The following MGA variants were observed in gnomAD, a reference collection of about 807,000 sequenced individuals.
MGA encodes the protein MAX dimerization protein MGA.
A neutral mutation model predicts 261.1 loss-of-function variants in MGA; 40 were observed. The observed-to-expected ratio is 0.15, with a 90% CI of 0.12 to 0.20. The LOEUF (loss-of-function observed/expected upper bound fraction) is 0.20, where lower values mean the gene tolerates loss of function less well. MGA is among the 10% of genes least tolerant of loss of function. The pLI is 1.00. For missense variants in MGA, 3,397 were observed against 3,630.5 expected (o/e 0.94, Z 1.65); for synonymous variants, 1,302 against 1,290.6 (o/e 1.01, Z -0.19).
intron 1 of MGA, among the ~76,000 whole-genome samples, chr15:41,631,958 A>C (rs1189012266): frequency 6.6e-6 from 1 of 152,086 alleles, no homozygotes; most frequent in Non-Finnish European, 1.5e-5. Context: ...TTGTCTTTAC[A>C]TAGGTTTATC....
rs1240962717 is a variant in MGA at position 41,749,320 on chromosome 15, TCTC to T, written c.5719_5721del (p.Pro1907del). 1.3e-5 allele frequency: 21 copies of T among 1,613,990 alleles called. No individual in the cohort carries two copies. The highest frequency in any genetic ancestry group is 1.7e-5 in the Non-Finnish European group (20 of 1,179,886). On this transcript the variant is annotated inframe_deletion, in exon 17 of 24. Transcript: ENST00000219905. ...GGCTGGTACATTGACCCTGAGGATT[TCTC>T]CTCCTGAACCACAAAGCTTTGCAAG...
At chr15:41,701,559 G>T (rs1477427188) in intron 5 of MGA, among the ~76,000 whole-genome samples, 1 of 152,266 alleles carries the variant, frequency 6.6e-6, no homozygotes, top group South Asian at 2.1e-4. Context: ...TGAATTTGGG[G>T]GGTAGAGTTG....
At chr15:41,718,505 C>A in intron 9 of MGA, 1 of 565,152 alleles carries the variant, frequency 1.8e-6, no homozygotes. Flanking sequence ...TCTTGCACTG[C>A]TCTGTAGTCT....
At chr15:41,747,819 A>G (rs2062593099) in intron 15 of MGA, among the ~76,000 whole-genome samples, 1 of 152,220 alleles carries the variant, frequency 6.6e-6, no homozygotes, top group Non-Finnish European at 1.5e-5. Context: ...GCCTCTTGAC[A>G]GTTGATACTC....
chr15:41,687,036 T>C (rs1374359631), intron 2 of MGA, among the ~76,000 whole-genome samples: 1 of 152,198 alleles, frequency 6.6e-6, no homozygotes, highest in East Asian at 1.9e-4. Context: ...TTGCTGTTTT[T>C]TTTTTCATTA....
In MGA at chr15:41,696,170, A is replaced by C; in HGVS notation, c.1160A>C (p.Asp387Ala). The C allele has an allele frequency of 6.2e-7, 1 of 1,613,980 alleles. No homozygotes were observed. Among genetic ancestry groups the C allele is most frequent in the Middle Eastern group, 1.6e-4 (1 of 6,062 alleles). Residue 387 changes from aspartate to alanine, a missense_variant, in exon 3 of 24, where the codon GAT (aspartate) becomes GCT (alanine). Around this residue, in one of 9 missense-constraint regions of MGA, gnomAD observed 563 missense variants for 563.6 expected, o/e 1.00. Transcript: ENST00000219905. ...GTTGTTATTAAAGAGGAACCTCTAG[A>C]TGATTATGACTACGAACTTGGTGAG...
Position 41,749,474 on chromosome 15 carries a change from C to T in MGA, c.5867C>T (p.Pro1956Leu). The change falls in exon 17 of 24, where the codon CCT (proline) becomes CTT (leucine). Residue 1956 changes from proline to leucine, a missense_variant. Coordinates refer to ENST00000219905, the MANE Select transcript of MGA (RefSeq NM_001164273.2). ...CAGCTCCCAGGACAAAAGCCTGTTC[C>T]TAGCTCCATTCTTCAGCATGTTGCT... The T allele has an allele frequency of 6.2e-7, 1 of 1,613,980 alleles. No individual in the cohort carries two copies. Among genetic ancestry groups the T allele is most frequent in the Non-Finnish European group, 8.5e-7 (1 of 1,179,890 alleles).
Position 41,686,538 on chromosome 15 carries a change from T to A in MGA, c.1065-9537T>A, listed in dbSNP as rs547970513. 1.4e-3 allele frequency among the ~76,000 whole-genome samples: 201 copies of A among 146,148 alleles called. 1 individual carries two copies. Among genetic ancestry groups the A allele is most frequent in the Admixed American group, 3.1e-3 (45 of 14,542 alleles). On this transcript the variant is annotated intron_variant, in intron 2 of 23. Transcript: ENST00000219905. ...GTGAGATGCTGTCTTAAAAAAAAAATTTTTTTTTTGAGTGGTCATTCATGT... is the reference window on the plus strand; with the variant it reads ...GTGAGATGCTGTCTTAAAAAAAAAAATTTTTTTTTGAGTGGTCATTCATGT...
At chr15:41,707,426 T>G (rs1417064654) in intron 5 of MGA, among the ~76,000 whole-genome samples, 2 of 152,222 alleles carry the variant, frequency 1.3e-5, no homozygotes, top group Non-Finnish European at 1.5e-5. Flanking sequence ...ATGCACATTA[T>G]CATGCACGTC....
chr15:41,663,961 T>C (rs973818262), intron 1 of MGA, among the ~76,000 whole-genome samples: 3 of 152,222 alleles, frequency 2.0e-5, no homozygotes, highest in African/African-American at 7.2e-5. Context: ...CCTAGGCATA[T>C]GCTTATAGCG....
intron 2 of MGA, among the ~76,000 whole-genome samples, chr15:41,674,170 G>A (rs1049946570): frequency 6.6e-6 from 1 of 152,076 alleles, no homozygotes; most frequent in Admixed American, 6.6e-5. Flanking sequence ...GATTACAGGG[G>A]TGAGCCACTA....
intron 1 of MGA, among the ~76,000 whole-genome samples, chr15:41,637,422 G>T (rs1484976863): frequency 1.3e-5 from 2 of 152,212 alleles, no homozygotes; most frequent in African/African-American, 4.8e-5. Flanking sequence ...TATATTACTT[G>T]ATCTCATAGA....
Position 41,698,951 on chromosome 15 carries a change from A to C in MGA, c.2092+10A>C, listed in dbSNP as rs1175240118. 3.2e-6 allele frequency: 5 copies of C among 1,547,318 alleles called. No individual in the cohort carries two copies. In the African/African-American group the frequency reaches 6.9e-5, roughly 21 times the overall value. On this transcript the variant is annotated intron_variant, in intron 4 of 23. Transcript: ENST00000219905. ...ACCACAAATGACTCAGGTATTATAA[A>C]ATAGTATAAAAAGAGTTGTATTTGT...
intron 2 of MGA, among the ~76,000 whole-genome samples, chr15:41,682,708 T>TGACC (rs1005202082): frequency 2.6e-5 from 4 of 152,044 alleles, no homozygotes; most frequent in Non-Finnish European, 4.4e-5. Context: ...CTTGAGCTCC[T>TGACC]GACCTCAAGT....
At position 41,710,858 on chromosome 15, in the gene MGA, G is replaced by A; in HGVS notation, c.2593G>A (p.Val865Ile). The A allele has an allele frequency of 6.2e-7, 1 of 1,613,932 alleles. No homozygotes were observed. The highest frequency in any genetic ancestry group is 8.5e-7 in the Non-Finnish European group (1 of 1,179,876). ...GCTTCCCACTAAGAGTACCAGTTAT[G>A]TACGAACACTTGATAGTGTACTAAA... The change falls in exon 8 of 24, where the codon GTA becomes ATA. Residue 865 changes from valine to isoleucine, a missense_variant. By Grantham distance (29) the Val-to-Ile change is conservative. This residue lies in a region of MGA where 519 missense variants were observed against 554.1 expected (regional missense o/e 0.94). Coordinates refer to ENST00000219905, the MANE Select transcript of MGA (RefSeq NM_001164273.2).
At chr15:41,729,390 A>G in intron 11 of MGA, 41 bp downstream of exon 11, 1 of 1,558,080 alleles carries the variant, frequency 6.4e-7, no homozygotes, top group Non-Finnish European at 8.8e-7. Flanking sequence ...ACTTCTGATT[A>G]CCTGTTTTTG....
chr15:41,628,090 G>A (rs1383582767), intron 1 of MGA, among the ~76,000 whole-genome samples: 1 of 152,088 alleles, frequency 6.6e-6, no homozygotes. Context: ...TGATTTCAGG[G>A]CCAGGCATGG....
rs1595962881 is a variant in MGA, at chr15:41,748,764, A to T, written c.5340A>T (p.Thr1780=). Residue 1780 remains threonine, a synonymous_variant, in exon 16 of 24, where the codon ACA becomes ACT. Transcript: ENST00000219905. ...CTACTCTTAGACCTGTCTCAAACACACAACTTCAGGGACATCGGATGGTCT... is the reference window on the plus strand; with the variant it reads ...CTACTCTTAGACCTGTCTCAAACACTCAACTTCAGGGACATCGGATGGTCT... 6.2e-7 allele frequency: 1 copy of T among 1,613,804 alleles called. No homozygotes were observed. Among genetic ancestry groups the T allele is most frequent in the Non-Finnish European group, 8.5e-7 (1 of 1,179,886 alleles).
chr15:41,709,582 C>A (rs1336256548), intron 7 of MGA, among the ~76,000 whole-genome samples: 1 of 151,706 alleles, frequency 6.6e-6, no homozygotes, highest in Non-Finnish European at 1.5e-5. Context: ...ATAGCTGTGA[C>A]CACAGGTGTG....
Sources: gnomAD v4.1 joint callset for allele counts (sites outside exome capture counted in the v4.1 genomes callset) on GRCh38, gnomAD v4.1.1 for gene constraint, gnomAD v4.1.1 regional missense constraint, MANE v1.5 for transcripts, NCBI Gene and HGNC (gene_info 2026-07-23, HGNC 2026-07-21) for gene names.